TCN1: variants seen among roughly 807,000 people sequenced by gnomAD.
TCN1 encodes the protein transcobalamin-1.
A neutral mutation model predicts 46.3 loss-of-function variants in TCN1; 47 were observed. That is an observed-to-expected ratio of 1.01 (90% CI 0.80 to 1.29). The LOEUF (loss-of-function observed/expected upper bound fraction) is 1.29, where lower values mean the gene tolerates loss of function less well. TCN1 is among the 50% of genes most tolerant of loss of function. The pLI, the probability that TCN1 is intolerant of heterozygous loss-of-function variation, is 0.00. For missense variants in TCN1, 532 were observed against 511.0 expected (o/e 1.04, Z -0.40); for synonymous variants, 183 against 192.5 (o/e 0.95, Z 0.41).
chr11:59,856,084 G>GGGGA, intron 5 of TCN1, 26 bp from the exon 6 acceptor site: 2 of 1,055,764 alleles, frequency 1.9e-6, no homozygotes, highest in Non-Finnish European at 2.8e-6. Flanking sequence ...GGGGTGGGGG[G>GGGGA]GTGATGAGAG....
intron 7 of TCN1, among the ~76,000 whole-genome samples, chr11:59,854,347 A>T (rs1852899396): frequency 6.8e-6 from 1 of 148,140 alleles, no homozygotes; most frequent in Non-Finnish European, 1.5e-5. Context: ...GTTAAGAACC[A>T]CTGTTCTAGA....
chr11:59,855,432 T>C (rs1446589614), intron 6 of TCN1, among the ~76,000 whole-genome samples: 1 of 152,186 alleles, frequency 6.6e-6, no homozygotes, highest in Non-Finnish European at 1.5e-5. Context: ...AGGTCATTTT[T>C]TGAATAAGTA....
Position 59,852,970 on chromosome 11 carries a change from G to C in TCN1, c.*5C>G. On this transcript the variant is annotated 3_prime_UTR_variant, in exon 9 of 9. Transcript: ENST00000257264. ...TTTTATGCAGCTGAGGAAAGTTTGG[G>C]CTTATTAGTATTTGCTCCAGCGAAC... is the stretch of plus-strand genomic sequence containing the variant. 6.2e-7 allele frequency: 1 copy of C among 1,613,914 alleles called. No homozygotes were observed. Among genetic ancestry groups the C allele is most frequent in the Non-Finnish European group, 8.5e-7 (1 of 1,179,820 alleles).
At chr11:59,861,715 T>A (rs746626240) in intron 3 of TCN1, 33 bp from the exon 4 acceptor site, 4 of 1,609,162 alleles carry the variant, frequency 2.5e-6, no homozygotes, top group Non-Finnish European at 3.4e-6. Context: ...CCCTTAATCA[T>A]GGAAGTGGTA....
chr11:59,854,679 G>T lies in TCN1; in HGVS notation c.1094C>A (p.Ala365Asp), dbSNP rs575975014. Residue 365 changes from alanine to aspartate, a missense_variant, in exon 7 of 9, where the codon GCC becomes GAC. Transcript: ENST00000257264. ...GSVFLSVMEKAQKMNDTIFGF... is the reference protein window; with the variant it reads ...GSVFLSVMEKDQKMNDTIFGF... The stretch of plus-strand genomic sequence containing the variant: ...AAATATAGTATCATTCATTTTCTGG[G>T]CTTTCTCCATCACACTGAGGAAGAC... 1.9e-6 allele frequency: 3 copies of T among 1,613,846 alleles called. No homozygotes were observed. Among genetic ancestry groups the T allele is most frequent in the East Asian group, 4.5e-5 (2 of 44,848 alleles).
At chr11:59,858,184 A>C (rs1852968082) in intron 5 of TCN1, among the ~76,000 whole-genome samples, 1 of 152,204 alleles carries the variant, frequency 6.6e-6, no homozygotes, top group South Asian at 2.1e-4. Flanking sequence ...GAACACATGC[A>C]CTTCAATGTT....
In TCN1 at chr11:59,856,024, T is replaced by G. The variant is rs1244423322; in HGVS notation, c.782A>C (p.Asn261Thr). Reference sequence around the variant, plus strand: ...CAGAGTTTGTTGGCAATTCCAGTCATTTTCATTATAATAGTCTGATGATAC... The same window carrying G: ...CAGAGTTTGTTGGCAATTCCAGTCAGTTTCATTATAATAGTCTGATGATAC... Reference protein sequence around the residue: ...LFVSSDYYNENDWNCQQTLNT... With the variant: ...LFVSSDYYNETDWNCQQTLNT... Residue 261 changes from asparagine to threonine, a missense_variant, in exon 6 of 9, where the codon AAT (asparagine) becomes ACT (threonine). By Grantham distance (65) the Asn-to-Thr change is moderately conservative (BLOSUM62 0). Coordinates refer to ENST00000257264, the MANE Select transcript of TCN1 (RefSeq NM_001062.4). The G allele has an allele frequency of 6.2e-7, 1 of 1,612,718 alleles. No individual in the cohort carries two copies. Among genetic ancestry groups the G allele is most frequent in the East Asian group, 2.2e-5 (1 of 44,866 alleles).
chr11:59,862,065 A>T (rs963136079), intron 3 of TCN1, among the ~76,000 whole-genome samples: 1 of 152,204 alleles, frequency 6.6e-6, no homozygotes, highest in African/African-American at 2.4e-5. Context: ...AGGAAAATGG[A>T]CTTACTGAAA....
intron 5 of TCN1, among the ~76,000 whole-genome samples, 178 bp downstream of exon 5, chr11:59,858,899 A>G (rs1473688554): frequency 6.6e-6 from 1 of 152,094 alleles, no homozygotes; most frequent in African/African-American, 2.4e-5. Flanking sequence ...GCTACTCAGG[A>G]GGCTGAGGCA....
chr11:59,861,550 T>C lies in TCN1; in HGVS notation c.533A>G (p.Tyr178Cys), dbSNP rs749211620. Reference sequence around the variant, plus strand: ...ACCTACTGAGAACTGGCTACCAAAATAATAGTTTTTATTTTCAGGAGTGAA... The same window carrying C: ...ACCTACTGAGAACTGGCTACCAAAACAATAGTTTTTATTTTCAGGAGTGAA... ...NHFTPENKNY[Y>C]FGSQFSVDTG... Residue 178 changes from tyrosine (Y) to cysteine (C), a missense_variant, in exon 4 of 9, where the codon TAT (tyrosine) becomes TGT (cysteine). Transcript: ENST00000257264. 3.0e-5 allele frequency: 49 copies of C among 1,613,940 alleles called. No homozygotes were observed. In the South Asian group the frequency reaches 3.3e-4, roughly 11 times the overall value.
At chr11:59,853,364 A>G (rs752913060) in intron 7 of TCN1, 43 bp from the exon 8 acceptor site, 1 of 1,548,346 alleles carries the variant, frequency 6.5e-7, no homozygotes, top group Non-Finnish European at 8.9e-7. Context: ...TAGAATTGTC[A>G]AAGGAAACCA....
At position 59,860,948 on chromosome 11, in the gene TCN1, T is replaced by C. The variant is rs959426467; in HGVS notation, c.556+579A>G. On this transcript the variant is annotated intron_variant, in intron 4 of 8. Coordinates refer to ENST00000257264, the MANE Select transcript of TCN1 (RefSeq NM_001062.4). The stretch of plus-strand genomic sequence containing the variant: ...AGATGAACTTGTATATCTGGATCCA[T>C]AGAGGCTAAGCACCTATACTAACTG... Among the ~76,000 whole-genome samples the C allele has an allele frequency of 3.9e-5, 6 of 152,324 alleles. No individual in the cohort carries two copies. In the East Asian group the frequency reaches 1.2e-3, roughly 29 times the overall value.
rs1318789428 is a variant in TCN1 at position 59,861,656 on chromosome 11, T to C, written c.427A>G (p.Asn143Asp). ...ACGTCCAGGCTGAGCTGGTAGTAGTTAGTCAGGGGAGTGCCATTGTGTGCT... is the reference window on the plus strand; with the variant it reads ...ACGTCCAGGCTGAGCTGGTAGTAGTCAGTCAGGGGAGTGCCATTGTGTGCT... ...MEAHNGTPLT[N>D]YYQLSLDVLA... The change falls in exon 4 of 9, where the codon AAC becomes GAC. Residue 143 changes from asparagine (N) to aspartate (D), a missense_variant. Asn to Asp is a conservative substitution (Grantham distance 23). Transcript: ENST00000257264. 1 of 1,614,126 alleles carries C rather than the reference T, an allele frequency of 6.2e-7. No homozygotes were observed. Among genetic ancestry groups the C allele is most frequent in the Non-Finnish European group, 8.5e-7 (1 of 1,179,970 alleles).
At chr11:59,853,468 A>G in intron 7 of TCN1, 147 bp from the exon 8 acceptor site, 1 of 790,192 alleles carries the variant, frequency 1.3e-6, no homozygotes, top group Non-Finnish European at 2.2e-6. Flanking sequence ...AGATATTTTT[A>G]TTTTTAGATA....
chr11:59,859,104 G>A lies in TCN1; in HGVS notation c.720C>T (p.Asn240=). ...GCATGGCTTCTCCTGTGCTAAATGTGTTTCCAATGAGACCATTTTCTTTTT... is the reference window on the plus strand; with the variant it reads ...GCATGGCTTCTCCTGTGCTAAATGTATTTCCAATGAGACCATTTTCTTTTT... ...SEKKENGLIG[N]TFSTGEAMQA... Residue 240 remains asparagine, a synonymous_variant, in exon 5 of 9, where the codon AAC becomes AAT. Transcript: ENST00000257264. The A allele has an allele frequency of 1.2e-6, 2 of 1,613,620 alleles. No homozygotes were observed.
Position 59,863,902 on chromosome 11 carries a change from C to T in TCN1, c.259+5G>A. The T allele has an allele frequency of 6.2e-7, 1 of 1,613,624 alleles. No homozygotes were observed. The highest frequency in any genetic ancestry group is 8.5e-7 in the Non-Finnish European group (1 of 1,179,652). ...CTAAATCTTCCAGAATATACAGCAA[C>T]TTACATCTGCTTTTCACATTGTATT... is the stretch of plus-strand genomic sequence containing the variant. On this transcript the variant is annotated splice_donor_5th_base_variant and intron_variant, in intron 2 of 8. Coordinates refer to ENST00000257264, the MANE Select transcript of TCN1 (RefSeq NM_001062.4).
In TCN1 at chr11:59,866,435, G is replaced by C. The variant is rs762561760; in HGVS notation, c.36C>G (p.Leu12=). 1 of 1,613,508 alleles carries C rather than the reference G, an allele frequency of 6.2e-7. No homozygotes were observed. Among genetic ancestry groups the C allele is most frequent in the South Asian group, 1.1e-5 (1 of 91,068 alleles). The part of the protein sequence containing the change: ...RQSHQLPLVG[L]LLFSFIPSQL... ...GGCTTGGAATAAAAGAAAACAGTAAGAGCCCCACTAGGGGCAGCTGGTGTG... is the reference window on the plus strand; with the variant it reads ...GGCTTGGAATAAAAGAAAACAGTAACAGCCCCACTAGGGGCAGCTGGTGTG... The change falls in exon 1 of 9, where the codon CTC becomes CTG. Residue 12 remains leucine, a synonymous_variant. Coordinates refer to ENST00000257264, the MANE Select transcript of TCN1 (RefSeq NM_001062.4).
chr11:59,861,473 G>A, intron 4 of TCN1, 54 bp downstream of exon 4: 1 of 1,585,776 alleles, frequency 6.3e-7, no homozygotes, highest in Admixed American at 1.7e-5. Flanking sequence ...CAAAGAGCAA[G>A]ACCTACTGGT....
intron 2 of TCN1, 83 bp downstream of exon 2, chr11:59,863,824 G>A (rs1853043007): frequency 3.4e-6 from 5 of 1,482,774 alleles, no homozygotes; most frequent in African/African-American, 1.4e-5. Flanking sequence ...TACTTTGGAT[G>A]CATAATTTTT....
Sources: gnomAD v4.1 joint callset for allele counts (sites outside exome capture counted in the v4.1 genomes callset) on GRCh38, gnomAD v4.1.1 for gene constraint, MANE v1.5 for transcripts, NCBI Gene and HGNC (gene_info 2026-07-23, HGNC 2026-07-21) for gene names.